Variants in DAAM2 observed in about 807,000 individuals in gnomAD.
DAAM2 encodes disheveled-associated activator of morphogenesis 2.
In DAAM2, 39 loss-of-function variants were observed where a neutral mutation model predicts 120.7. The observed-to-expected ratio is 0.32, with a 90% CI of 0.25 to 0.42. The LOEUF (loss-of-function observed/expected upper bound fraction) is 0.42. Ranked by LOEUF, DAAM2 falls within the 10% of genes least tolerant of loss-of-function variation. DAAM2 has a pLI of 1.00. For synonymous variants in DAAM2, 488 were observed against 524.9 expected (o/e 0.93, Z 0.96); for missense variants, 1,283 against 1,401.7 (o/e 0.92, Z 1.35).
At chr6:39,809,295 T>A (rs1457425733) in intron 1 of DAAM2, among the ~76,000 whole-genome samples, 1 of 152,168 alleles carries the variant, frequency 6.6e-6, no homozygotes, top group Non-Finnish European at 1.5e-5. Context: ...TTTCAGGGAC[T>A]TGGCACCTCC....
chr6:39,892,554 C>T (rs970819189), intron 19 of DAAM2, among the ~76,000 whole-genome samples: 2 of 152,002 alleles, frequency 1.3e-5, no homozygotes, highest in East Asian at 1.9e-4. Context: ...GAGGTCAGGA[C>T]GGTGGGCAGA....
At chr6:39,882,319 G>A (rs1765157127) in intron 14 of DAAM2, 1 of 152,162 alleles carries the variant, frequency 6.6e-6, no homozygotes, top group African/African-American at 2.4e-5. Context: ...GAAGCTGGGG[G>A]TGGGCTGGGC....
chr6:39,888,667 G>C lies in DAAM2; in HGVS notation c.2061-12G>C, dbSNP rs1165834038. ...GAGGGCTGTCCTGGATTGAGGTGGG[G>C]TTTTGCCTTAGGTTGAAGCTTTCTA... On this transcript the variant is annotated splice_polypyrimidine_tract_variant and intron_variant, in intron 16 of 24. Coordinates refer to ENST00000274867, the MANE Select transcript of DAAM2 (RefSeq NM_001201427.2). The C allele has an allele frequency of 6.2e-7, 1 of 1,612,706 alleles. No homozygotes were observed. The highest frequency in any genetic ancestry group is 2.2e-5 in the East Asian group (1 of 44,860).
At chr6:39,828,586 C>T (rs111836801) in intron 1 of DAAM2, among the ~76,000 whole-genome samples, 144 of 78,892 alleles carry the variant, frequency 1.8e-3, no homozygotes, top group African/African-American at 8.2e-3. Flanking sequence ...TTTTTTGAGA[C>T]GGATTCTTGC....
chr6:39,815,430 C>T (rs1284267211), intron 1 of DAAM2, among the ~76,000 whole-genome samples: 1 of 152,134 alleles, frequency 6.6e-6, no homozygotes, highest in Admixed American at 6.6e-5. Context: ...GCATAAATTC[C>T]CTCTGCTGCA....
chr6:39,888,852 G>A (rs752536692), intron 17 of DAAM2, 89 bp downstream of exon 17: 1 of 936,816 alleles, frequency 1.1e-6, no homozygotes, highest in Non-Finnish European at 1.6e-6. Flanking sequence ...GCGATTCTTG[G>A]GTCAAGGAGA....
Position 39,850,560 on chromosome 6 carries a change from G to C in DAAM2, c.-56-5687G>C, listed in dbSNP as rs144102160. 1.1e-4 allele frequency among the ~76,000 whole-genome samples: 17 copies of C among 152,286 alleles called. No homozygotes were observed. The East Asian group carries it at 3.1e-3, about 28-fold the overall frequency. On this transcript the variant is annotated intron_variant, in intron 1 of 24. Coordinates refer to ENST00000274867, the MANE Select transcript of DAAM2 (RefSeq NM_001201427.2). Reference sequence around the variant, plus strand: ...ACACATGGCTAGAAGCTGGTCAAAAGCACATTTGTTTGAATGAGACACTAC... The same window carrying C: ...ACACATGGCTAGAAGCTGGTCAAAACCACATTTGTTTGAATGAGACACTAC...
intron 1 of DAAM2, chr6:39,819,418 T>TA (rs1367608420): frequency 6.6e-6 from 1 of 152,220 alleles, no homozygotes; most frequent in Non-Finnish European, 1.5e-5. Context: ...ATCTAATGCC[T>TA]ATTCATTGTT....
chr6:39,842,372 G>A (rs538488396), intron 1 of DAAM2, among the ~76,000 whole-genome samples: 57 of 152,250 alleles, frequency 3.7e-4, no homozygotes, highest in African/African-American at 1.3e-3. Context: ...TGGCTCATGC[G>A]TGTAATCCCA....
intron 10 of DAAM2, 35 bp downstream of exon 10, chr6:39,873,390 G>A (rs779724893): frequency 4.1e-6 from 6 of 1,456,894 alleles, no homozygotes; most frequent in African/African-American, 1.4e-5. Flanking sequence ...CCCTCGACTG[G>A]CCTGAACCTT....
chr6:39,807,326 A>G (rs1762038318), intron 1 of DAAM2, among the ~76,000 whole-genome samples: 3 of 152,196 alleles, frequency 2.0e-5, no homozygotes, highest in Non-Finnish European at 4.4e-5. Context: ...ATCATGTAAA[A>G]CAATACTCTC....
chr6:39,811,174 AGT>A (rs59432565), intron 1 of DAAM2, among the ~76,000 whole-genome samples: 4,206 of 146,388 alleles, frequency 0.029, 70 homozygotes, highest in Middle Eastern at 0.051. Flanking sequence ...AACTGAAGGG[AGT>A]GTGTGTGTGT....
chr6:39,882,640 C>A (rs1442140285), intron 14 of DAAM2, among the ~76,000 whole-genome samples: 1 of 152,022 alleles, frequency 6.6e-6, no homozygotes, highest in Non-Finnish European at 1.5e-5. Context: ...CTCCCACACC[C>A]CTTTCCAGAA....
intron 10 of DAAM2, among the ~76,000 whole-genome samples, chr6:39,874,470 T>A (rs1764788968): frequency 6.6e-6 from 1 of 152,220 alleles, no homozygotes; most frequent in South Asian, 2.1e-4. Context: ...GAAACCTGAC[T>A]TCTTGTGCTC....
rs994692534 is a variant in DAAM2 at position 39,878,641 on chromosome 6, G to A, written c.1545+53G>A. The A allele has an allele frequency of 9.8e-6, 15 of 1,530,360 alleles. No individual in the cohort carries two copies. The African/African-American group carries it at 1.9e-4, about 20-fold the overall frequency. 94.8% of individuals were successfully genotyped at this position (1,530,360 alleles called of 1,614,324 possible). ...GTTGAGCCAAGACCCTGGGCTTCAG[G>A]ACTGGGTGGGCAGAGCAGGTGTCGG... On this transcript the variant is annotated intron_variant, in intron 13 of 24. Coordinates refer to ENST00000274867, the MANE Select transcript of DAAM2 (RefSeq NM_001201427.2). The surrounding 1 kb of genome is among the most constrained non-coding windows in gnomAD (Gnocchi z 5.0).
intron 1 of DAAM2, among the ~76,000 whole-genome samples, chr6:39,816,992 G>C (rs1304332543): frequency 6.6e-6 from 1 of 152,214 alleles, no homozygotes; most frequent in Non-Finnish European, 1.5e-5. Context: ...TGCCGTAGTG[G>C]AAACTTTTGT....
intron 7 of DAAM2, among the ~76,000 whole-genome samples, chr6:39,869,205 G>C (rs545319215): frequency 2.4e-4 from 36 of 152,104 alleles, no homozygotes; most frequent in Non-Finnish European, 4.1e-4. Flanking sequence ...TTTCTCGTTG[G>C]CTGGTCATGT....
chr6:39,831,082 CAGTT>C (rs1762865150), intron 1 of DAAM2, among the ~76,000 whole-genome samples: 3 of 152,258 alleles, frequency 2.0e-5, no homozygotes, highest in South Asian at 2.1e-4. Flanking sequence ...TAAGTCTACA[CAGTT>C]AGTAAGTTTC....
At chr6:39,801,278 C>G (rs1761855120) in intron 1 of DAAM2, among the ~76,000 whole-genome samples, 1 of 152,206 alleles carries the variant, frequency 6.6e-6, no homozygotes, top group Non-Finnish European at 1.5e-5. Context: ...ACTGATTTCT[C>G]TACAAATAGA....
Sources: allele counts gnomAD v4.1 joint callset (sites outside exome capture counted in the v4.1 genomes callset), GRCh38; gene constraint gnomAD v4.1.1; non-coding constraint Gnocchi (gnomAD v3.1); transcripts MANE v1.5; gene names NCBI Gene and HGNC (gene_info 2026-07-23, HGNC 2026-07-21).